Variants in CYLC2 observed in about 807,000 individuals in gnomAD.
CYLC2 encodes cylicin 2, also known as cylicin-2.
Under a neutral mutation model 26.1 loss-of-function variants are expected in CYLC2, and 30 were observed. That is an observed-to-expected ratio of 1.15 (90% CI 0.86 to 1.56). The LOEUF (loss-of-function observed/expected upper bound fraction) is 1.56, where lower values mean the gene tolerates loss of function less well. CYLC2 is among the 40% of genes most tolerant of loss of function. The probability of loss-of-function intolerance (pLI) is 0.00; values close to 1 mark genes in which losing one functional copy is unlikely to be tolerated. For missense variants in CYLC2, 498 were observed against 394.4 expected, an observed-to-expected ratio of 1.26 and a Z score of -2.23; for synonymous variants, 158 against 132.8, an observed-to-expected ratio of 1.19 and a Z score of -1.31.
At chr9:102,999,108 T>C (rs1054433813) in intron 1 of CYLC2, among the ~76,000 whole-genome samples, 2 of 151,802 alleles carry the variant, frequency 1.3e-5, no homozygotes, top group Admixed American at 1.3e-4. Flanking sequence ...GGACTTTTGT[T>C]TTCTTCCTTT....
At chr9:103,002,627 C>G (rs547150825) in intron 2 of CYLC2, among the ~76,000 whole-genome samples, 1 of 152,152 alleles carries the variant, frequency 6.6e-6, no homozygotes, top group East Asian at 1.9e-4. Flanking sequence ...GCTGGGATTA[C>G]AGGCGTGAGC....
intron 6 of CYLC2, among the ~76,000 whole-genome samples, chr9:103,014,583 C>A (rs1358628511): frequency 7.0e-6 from 1 of 142,908 alleles, no homozygotes; most frequent in Non-Finnish European, 1.5e-5. Context: ...ATGCAGTATA[C>A]ATCATATGTA....
chr9:103,010,082 T>C (rs1417730486), intron 5 of CYLC2, among the ~76,000 whole-genome samples: 5 of 151,848 alleles, frequency 3.3e-5, no homozygotes, highest in Non-Finnish European at 5.9e-5. Flanking sequence ...AAATATGCAA[T>C]AATTTTATTA....
chr9:103,001,557 C>A (rs771644274), intron 1 of CYLC2, 21 bp from the exon 2 acceptor site: 36 of 1,468,368 alleles, frequency 2.5e-5, no homozygotes, highest in Non-Finnish European at 3.2e-5. Flanking sequence ...TAACTAAAAC[C>A]TTTCTTTTTT....
intron 5 of CYLC2, among the ~76,000 whole-genome samples, chr9:103,007,983 G>A (rs1371529594): frequency 6.6e-6 from 1 of 150,556 alleles, no homozygotes; most frequent in Non-Finnish European, 1.5e-5. Flanking sequence ...AGCTGTAATG[G>A]CAGAGGGAGT....
At chr9:103,014,916 A>T (rs1829479328) in intron 6 of CYLC2, among the ~76,000 whole-genome samples, 1 of 133,836 alleles carries the variant, frequency 7.5e-6, no homozygotes, top group Non-Finnish European at 1.6e-5. Context: ...TGTAATATAC[A>T]TAATATGTAT....
rs1450937114 is a variant in CYLC2 at position 103,005,248 on chromosome 9, C to A, written c.617C>A (p.Ser206Tyr). Residue 206 changes from serine (S) to tyrosine (Y), a missense_variant, in exon 5 of 8, where the codon TCT (serine) becomes TAT (tyrosine). Ser to Tyr is a moderately radical substitution (Grantham distance 144). Coordinates refer to ENST00000374798, the MANE Select transcript of CYLC2 (RefSeq NM_001340.5). ...SNKGKDSATE[S>Y]EGEKGGTEKD... Reference sequence around the variant, plus strand: ...AAAGGCAAAGACTCGGCAACAGAATCTGAAGGTGAAAAAGGAGGTACAGAG... The same window carrying A: ...AAAGGCAAAGACTCGGCAACAGAATATGAAGGTGAAAAAGGAGGTACAGAG... The A allele has an allele frequency of 2.5e-6, 4 of 1,612,746 alleles. No homozygotes were observed. The highest frequency in any genetic ancestry group is 2.5e-6 in the Non-Finnish European group (3 of 1,179,704).
intron 3 of CYLC2, among the ~76,000 whole-genome samples, chr9:103,004,043 G>A (rs112823506): frequency 2.0e-5 from 3 of 151,744 alleles, no homozygotes; most frequent in African/African-American, 7.3e-5. Context: ...TTCCATTTTT[G>A]TTAATATTTG....
rs376299522 is a variant in CYLC2 at position 103,005,705 on chromosome 9, G to T, written c.*27G>T. 1.7e-5 allele frequency: 27 copies of T among 1,576,956 alleles called. No homozygotes were observed. In the African/African-American group the frequency reaches 3.4e-4, roughly 20 times the overall value. On this transcript the variant is annotated 3_prime_UTR_variant, in exon 5 of 8. Coordinates refer to ENST00000374798, the MANE Select transcript of CYLC2 (RefSeq NM_001340.5). ...CCTTGGATAAGAATTTGAACCGAAA[G>T]AATAATTCAAAAGCATATTTGATGA... is the stretch of plus-strand genomic sequence containing the variant.
Position 103,005,418 on chromosome 9 carries a change from G to C in CYLC2, c.787G>C (p.Asp263His). ...KGDESKDAKK[D>H]AKEIKKGKKD... ...TGATGAATCGAAGGATGCCAAGAAA[G>C]ATGCAAAGGAGATTAAAAAAGGTAA... Residue 263 changes from aspartate (D) to histidine (H), a missense_variant, in exon 5 of 8, where the codon GAT becomes CAT. Physicochemically the swap from Asp to His is moderately conservative, Grantham distance 81. Transcript: ENST00000374798. The C allele has an allele frequency of 6.2e-7, 1 of 1,613,790 alleles. No homozygotes were observed. Among genetic ancestry groups the C allele is most frequent in the Non-Finnish European group, 8.5e-7 (1 of 1,179,922 alleles).
intron 6 of CYLC2, among the ~76,000 whole-genome samples, chr9:103,014,195 A>C (rs1323807897): frequency 8.1e-6 from 1 of 123,514 alleles, no homozygotes; most frequent in Non-Finnish European, 1.6e-5. Flanking sequence ...ATAATATATA[A>C]TATGAATATT....
intron 2 of CYLC2, among the ~76,000 whole-genome samples, chr9:103,002,877 CTGAG>C (rs1345605513): frequency 6.6e-6 from 1 of 152,070 alleles, no homozygotes; most frequent in East Asian, 1.9e-4. Flanking sequence ...AGCAGTAAAA[CTGAG>C]TCTTTCCATT....
chr9:103,011,258 A>C (rs1259815908), intron 5 of CYLC2, among the ~76,000 whole-genome samples: 4 of 152,088 alleles, frequency 2.6e-5, no homozygotes, highest in Non-Finnish European at 5.9e-5. Flanking sequence ...TCTTTTGTGA[A>C]TTTGTAAGCT....
intron 2 of CYLC2, 151 bp downstream of exon 2, chr9:103,001,769 A>T: frequency 1.8e-6 from 1 of 567,976 alleles, no homozygotes; most frequent in Non-Finnish European, 3.1e-6. Flanking sequence ...AGGCCCAGTG[A>T]ACACCTTTAA....
At chr9:103,001,512 T>A in intron 1 of CYLC2, 66 bp from the exon 2 acceptor site, 1 of 963,974 alleles carries the variant, frequency 1.0e-6, no homozygotes, top group Non-Finnish European at 1.6e-6. Context: ...TGGAGTAAAA[T>A]AATGACAGTT....
chr9:103,012,789 T>C (rs1396109286), intron 6 of CYLC2, among the ~76,000 whole-genome samples: 3 of 151,878 alleles, frequency 2.0e-5, no homozygotes, highest in African/African-American at 4.8e-5. Flanking sequence ...GTTTATTTTA[T>C]ACTTTCTCAG....
chr9:103,005,312 C>T lies in CYLC2; in HGVS notation c.681C>T (p.Gly227=). 6.2e-7 allele frequency: 1 copy of T among 1,613,094 alleles called. No individual in the cohort carries two copies. Among genetic ancestry groups the T allele is most frequent in the Non-Finnish European group, 8.5e-7 (1 of 1,179,802 alleles). Residue 227 remains glycine (G), a synonymous_variant, in exon 5 of 8, where the codon GGC becomes GGT. Transcript: ENST00000374798. ...AAGGTAAAAAGGATTCAAAGAAGGG[C>T]AAGGATTCAGCCATAGAATTACAAG... ...SKKGKKDSKK[G]KDSAIELQAV...
intron 2 of CYLC2, among the ~76,000 whole-genome samples, 188 bp from the exon 3 acceptor site, chr9:103,002,954 A>T (rs1587851166): frequency 1.3e-5 from 2 of 152,214 alleles, no homozygotes; most frequent in East Asian, 3.9e-4. Flanking sequence ...AAACTGCTCA[A>T]AATAGAAAAA....
intron 6 of CYLC2, among the ~76,000 whole-genome samples, chr9:103,015,288 T>G (rs1423771347): frequency 7.9e-6 from 1 of 126,956 alleles, no homozygotes; most frequent in Non-Finnish European, 1.6e-5. Flanking sequence ...TATTATATAA[T>G]ATAATTATAT....
Sources: allele counts gnomAD v4.1 joint callset (sites outside exome capture counted in the v4.1 genomes callset), GRCh38; gene constraint gnomAD v4.1.1; transcripts MANE v1.5; gene names NCBI Gene and HGNC (gene_info 2026-07-23, HGNC 2026-07-21).